The following SLC12A8 variants were observed in gnomAD, a reference collection of about 807,000 sequenced individuals.
SLC12A8 encodes cation-chloride cotransporter 9.
A neutral mutation model predicts 75.6 loss-of-function variants in SLC12A8; 69 were observed. The ratio of observed to expected loss-of-function variants is 0.91; its 90% CI spans 0.75 to 1.11. The LOEUF (loss-of-function observed/expected upper bound fraction) is 1.11, where lower values mean the gene tolerates loss of function less well. Among genes scored for constraint, SLC12A8 ranks in the 50% most tolerant of loss-of-function variants. The probability of loss-of-function intolerance (pLI) is 0.00; values close to 1 mark genes in which losing one functional copy is unlikely to be tolerated. For missense variants in SLC12A8, 877 were observed against 896.7 expected (o/e 0.98, Z 0.28); for synonymous variants, 365 against 372.8 (o/e 0.98, Z 0.24).
chr3:125,087,323 C>G (rs1938484660), intron 13 of SLC12A8, among the ~76,000 whole-genome samples: 1 of 152,064 alleles, frequency 6.6e-6, no homozygotes, highest in South Asian at 2.1e-4. Flanking sequence ...GAACTCCTGA[C>G]CTCAGGTGAT....
intron 8 of SLC12A8, among the ~76,000 whole-genome samples, chr3:125,116,049 A>G (rs1939304233): frequency 6.6e-6 from 1 of 152,174 alleles, no homozygotes; most frequent in Non-Finnish European, 1.5e-5. Flanking sequence ...CTGTGGCCCA[A>G]TCTACTGCCT....
chr3:125,094,592 A>T (rs182242255), intron 10 of SLC12A8, among the ~76,000 whole-genome samples: 1 of 152,122 alleles, frequency 6.6e-6, no homozygotes, highest in Admixed American at 6.6e-5. Context: ...TTGTTCTCAC[A>T]TCATCAATTT....
intron 11 of SLC12A8, 29 bp downstream of exon 11, chr3:125,092,072 A>G: frequency 4.6e-6 from 7 of 1,522,612 alleles, no homozygotes; most frequent in Non-Finnish European, 6.4e-6. Context: ...TGTCCCAAGA[A>G]CAACTGAGAT....
chr3:125,184,593 G>C (rs1433778520), intron 4 of SLC12A8, among the ~76,000 whole-genome samples: 1 of 151,858 alleles, frequency 6.6e-6, no homozygotes, highest in Non-Finnish European at 1.5e-5. Flanking sequence ...ACAATCATTA[G>C]AAATAAATGA....
chr3:125,093,284 C>T (rs1938630952), intron 10 of SLC12A8, among the ~76,000 whole-genome samples: 1 of 152,170 alleles, frequency 6.6e-6, no homozygotes, highest in African/African-American at 2.4e-5. Flanking sequence ...GTTTGTTGCT[C>T]AGGAAATATA....
intron 5 of SLC12A8, chr3:125,151,526 C>T (rs1383537381): frequency 1.3e-5 from 2 of 154,176 alleles, no homozygotes; most frequent in African/African-American, 4.8e-5. Flanking sequence ...GTCCAGTCCC[C>T]ACTGGCTTTG....
chr3:125,103,459 TAA>T (rs34404091), intron 10 of SLC12A8, among the ~76,000 whole-genome samples: 2,794 of 120,854 alleles, frequency 0.023, 31 homozygotes, highest in Non-Finnish European at 0.031. Context: ...GTACTTCACT[TAA>T]AAAAAAAAAA....
intron 8 of SLC12A8, 79 bp from the exon 9 acceptor site, chr3:125,110,414 G>T: frequency 7.1e-7 from 1 of 1,410,144 alleles, no homozygotes; most frequent in South Asian, 1.3e-5. Flanking sequence ...CCACCCACCT[G>T]CACCCCATGC....
chr3:125,152,887 C>T (rs905865650), intron 5 of SLC12A8, among the ~76,000 whole-genome samples: 19 of 152,090 alleles, frequency 1.2e-4, no homozygotes, highest in Non-Finnish European at 1.3e-4. Flanking sequence ...TCCTATTCTC[C>T]GCTGTATCCC....
At chr3:125,209,832 C>A (rs1935301417) in intron 2 of SLC12A8, among the ~76,000 whole-genome samples, 1 of 152,174 alleles carries the variant, frequency 6.6e-6, no homozygotes, top group African/African-American at 2.4e-5. Context: ...GGAATTTAAG[C>A]AGAGGGGTCA....
chr3:125,115,046 G>A (rs1939276131), intron 8 of SLC12A8, among the ~76,000 whole-genome samples: 3 of 152,180 alleles, frequency 2.0e-5, no homozygotes, highest in South Asian at 2.1e-4. Context: ...ATGCCCATAA[G>A]GAGTGTGGAA....
chr3:125,152,669 C>T (rs556585875), intron 5 of SLC12A8, among the ~76,000 whole-genome samples: 2 of 152,134 alleles, frequency 1.3e-5, no homozygotes, highest in African/African-American at 2.4e-5. Flanking sequence ...AAAATAACTA[C>T]TTTGGACATA....
chr3:125,096,857 A>G (rs1938724679), intron 10 of SLC12A8, among the ~76,000 whole-genome samples: 1 of 152,000 alleles, frequency 6.6e-6, no homozygotes, highest in African/African-American at 2.4e-5. Flanking sequence ...TTTTGTACTT[A>G]TCACTTATTG....
rs372567580 is a variant in SLC12A8, at chr3:125,187,418, C to T, written c.209G>A (p.Gly70Glu). The T allele has an allele frequency of 3.7e-6, 6 of 1,613,896 alleles. No homozygotes were observed. The highest frequency in any genetic ancestry group is 5.1e-6 in the Non-Finnish European group (6 of 1,179,986). ...CACCAGGAACATGCCCAGGAGCACTCCTGTGTTTCCCTGCAGCAGAATAGC... is the reference window on the plus strand; with the variant it reads ...CACCAGGAACATGCCCAGGAGCACTTCTGTGTTTCCCTGCAGCAGAATAGC... ...LRTGWLVGNTGVLLGMFLVSF... is the reference protein window; with the variant it reads ...LRTGWLVGNTEVLLGMFLVSF... The change falls in exon 4 of 14, where the codon GGA becomes GAA. Residue 70 changes from glycine (G) to glutamate (E), a missense_variant. Coordinates refer to ENST00000469902, the MANE Select transcript of SLC12A8 (RefSeq NM_024628.6).
intron 5 of SLC12A8, among the ~76,000 whole-genome samples, chr3:125,164,536 G>A (rs1296190144): frequency 6.6e-6 from 1 of 152,228 alleles, no homozygotes; most frequent in Non-Finnish European, 1.5e-5. Flanking sequence ...GGGAAATGCA[G>A]GAGGAAAAGG....
At chr3:125,096,666 G>T (rs1938718547) in intron 10 of SLC12A8, among the ~76,000 whole-genome samples, 1 of 152,096 alleles carries the variant, frequency 6.6e-6, no homozygotes, top group South Asian at 2.1e-4. Context: ...GCATTTAGAA[G>T]TTTGTGTATA....
chr3:125,200,043 A>G (rs1235680290), intron 2 of SLC12A8, among the ~76,000 whole-genome samples: 1 of 152,206 alleles, frequency 6.6e-6, no homozygotes, highest in Non-Finnish European at 1.5e-5. Context: ...AGCCATTAGC[A>G]ATGACTGCCA....
intron 5 of SLC12A8, among the ~76,000 whole-genome samples, chr3:125,165,410 G>C (rs901549333): frequency 1.3e-5 from 2 of 152,230 alleles, no homozygotes; most frequent in African/African-American, 2.4e-5. Context: ...GGCTGCCCTA[G>C]CTCACTGGAG....
chr3:125,101,366 C>A (rs1035924377), intron 10 of SLC12A8, among the ~76,000 whole-genome samples: 5 of 152,196 alleles, frequency 3.3e-5, no homozygotes, highest in African/African-American at 1.2e-4. Context: ...TAATACTTAA[C>A]AATAAGAATT....
Sources: allele counts gnomAD v4.1 joint callset (sites outside exome capture counted in the v4.1 genomes callset), GRCh38; gene constraint gnomAD v4.1.1; transcripts MANE v1.5; gene names NCBI Gene and HGNC (gene_info 2026-07-23, HGNC 2026-07-21).